Variants in KIF26A observed in about 807,000 individuals in gnomAD.
KIF26A encodes the protein kinesin-like protein KIF26A.
Under a neutral mutation model 126.0 loss-of-function variants are expected in KIF26A, and 74 were observed. The ratio of observed to expected loss-of-function variants is 0.59; its 90% confidence interval spans 0.49 to 0.71. The LOEUF is 0.71. KIF26A is among the 30% of genes least tolerant of loss of function. KIF26A has a pLI of 0.00. For missense variants in KIF26A, 2,984 were observed against 2,763.3 expected (o/e 1.08, Z -1.79); for synonymous variants, 1,445 against 1,232.7 (o/e 1.17, Z -3.61).
chr14:104,142,448 T>C (rs1890983), intron 2 of KIF26A, among the ~76,000 whole-genome samples: 5,279 of 152,104 alleles, frequency 0.035, 306 homozygotes, highest in African/African-American at 0.12. Flanking sequence ...TGGCCTCCTG[T>C]GGCCTCCAGG....
chr14:104,138,613 C>A lies in KIF26A; in HGVS notation c.-110C>A. The A allele has an allele frequency of 3.4e-6, 3 of 873,340 alleles. No individual in the cohort carries two copies. The highest frequency in any genetic ancestry group is 4.4e-6 in the Non-Finnish European group (3 of 676,360). 54.1% of individuals were successfully genotyped at this position (873,340 alleles called of 1,614,324 possible). A position where few individuals can be genotyped will look rare whatever the true frequency, so the allele number is the denominator to read the frequency against. ...CTCGCAGGCTCTGCGAACTTCCGAG[C>A]GGCTGGGCCGGGCCATGGGGGCGCC... On this transcript the variant is annotated 5_prime_UTR_variant, in exon 1 of 15. Coordinates refer to ENST00000423312, the MANE Select transcript of KIF26A (RefSeq NM_015656.2).
chr14:104,172,578 G>A lies in KIF26A; in HGVS notation c.1330G>A (p.Glu444Lys), dbSNP rs1264138881. The change falls in exon 7 of 15, where the codon GAA becomes AAA. Residue 444 changes from glutamate to lysine, a missense_variant. Transcript: ENST00000423312. ...AVFPQDSEQA[E>K]VCSGTVADVL... Reference sequence around the variant, plus strand: ...CCTGATTCTCTTGCCCCCCTAGGCCGAAGTCTGCTCGGGGACCGTGGCCGA... The same window carrying A: ...CCTGATTCTCTTGCCCCCCTAGGCCAAAGTCTGCTCGGGGACCGTGGCCGA... 6.2e-7 allele frequency: 1 copy of A among 1,612,114 alleles called. No individual in the cohort carries two copies. Among genetic ancestry groups the A allele is most frequent in the Non-Finnish European group, 8.5e-7 (1 of 1,179,166 alleles).
intron 5 of KIF26A, 62 bp from the exon 6 acceptor site, chr14:104,171,661 C>T: frequency 2.1e-6 from 3 of 1,422,700 alleles, no homozygotes; most frequent in East Asian, 5.0e-5. Context: ...CCCCTCCTGC[C>T]CTGTAATTAG....
chr14:104,151,986 ACC>A lies in KIF26A; in HGVS notation c.289-27_289-26del. On this transcript the variant is annotated intron_variant, in intron 2 of 14. Transcript: ENST00000423312. The surrounding 1 kb of genome is among the most constrained non-coding windows in gnomAD (Gnocchi z 4.9). Reference sequence around the variant, plus strand: ...GCCGGCCCTCCCTCCCCAGGCACTGACCCTGCCTTTGTCCCTTGCTGTCCTCA... The same window carrying A: ...GCCGGCCCTCCCTCCCCAGGCACTGACTGCCTTTGTCCCTTGCTGTCCTCA... The A allele has an allele frequency of 6.2e-7, 1 of 1,603,798 alleles. No individual in the cohort carries two copies. The highest frequency in any genetic ancestry group is 8.5e-7 in the Non-Finnish European group (1 of 1,172,000).
chr14:104,163,058 CAGCTGGCGGGAAGCTGAGGTGTA>C (rs1377982677), intron 4 of KIF26A, among the ~76,000 whole-genome samples: 4 of 152,334 alleles, frequency 2.6e-5, no homozygotes, highest in African/African-American at 9.6e-5. Flanking sequence ...CCCTTGCAGG[CAGCTGGCGGGAAGCTGAGGTGTA>C]ACCCAAGGTC....
rs778442550 is a variant in KIF26A, at chr14:104,177,368, C to T, written c.4580C>T (p.Pro1527Leu). The T allele has an allele frequency of 1.3e-6, 2 of 1,484,830 alleles. No homozygotes were observed. The highest frequency in any genetic ancestry group is 1.8e-6 in the Non-Finnish European group (2 of 1,121,302). 92.0% of individuals were successfully genotyped at this position (1,484,830 alleles called of 1,614,324 possible). ...ACGGCCTCTGTGACGGGCAGGAGCC[C>T]TGGCGGCCCTGTGGCCGGTCCCAGA... is the stretch of plus-strand genomic sequence containing the variant. The part of the protein sequence containing the change: ...LSTASVTGRS[P>L]GGPVAGPRAA... Residue 1527 changes from proline to leucine, a missense_variant, in exon 12 of 15, where the codon CCT becomes CTT. Physicochemically the swap from Pro to Leu is moderately conservative, Grantham distance 98. Transcript: ENST00000423312.
At chr14:104,156,886 A>G (rs1315021871) in intron 3 of KIF26A, among the ~76,000 whole-genome samples, 1 of 152,176 alleles carries the variant, frequency 6.6e-6, no homozygotes, top group Non-Finnish European at 1.5e-5. Flanking sequence ...TCGACTGGAC[A>G]CTTGGGGCCG....
Position 104,175,593 on chromosome 14 carries a change from C to T in KIF26A, c.2805C>T (p.Val935=), listed in dbSNP as rs1309672166. 1.9e-6 allele frequency: 3 copies of T among 1,609,880 alleles called. No homozygotes were observed. Among genetic ancestry groups the T allele is most frequent in the Admixed American group, 1.7e-5 (1 of 59,996 alleles). The change falls in exon 12 of 15, where the codon GTC becomes GTT. Residue 935 remains valine (V), a synonymous_variant. Coordinates refer to ENST00000423312, the MANE Select transcript of KIF26A (RefSeq NM_015656.2). ...GCAGCGCTTGGCCTGAGCTGCTGGT[C>T]CCGGAAAAGGCTGCAGTGAGTGGAG... The part of the protein sequence containing the change: ...EDSSAWPELL[V]PEKAAVSGGR...
intron 4 of KIF26A, among the ~76,000 whole-genome samples, chr14:104,158,157 C>T (rs1451291963): frequency 6.6e-6 from 1 of 152,236 alleles, no homozygotes; most frequent in South Asian, 2.1e-4. Context: ...ATCTCATCCT[C>T]GGGGGAGCAC....
chr14:104,144,992 G>A (rs979135884), intron 2 of KIF26A, among the ~76,000 whole-genome samples: 1 of 152,190 alleles, frequency 6.6e-6, no homozygotes, highest in Non-Finnish European at 1.5e-5. Context: ...CTGGCCTCTG[G>A]AAGTCCTGGC....
intron 14 of KIF26A, 67 bp from the exon 15 acceptor site, chr14:104,179,542 G>C (rs1297202255): frequency 6.9e-7 from 1 of 1,445,598 alleles, no homozygotes; most frequent in African/African-American, 1.4e-5. Flanking sequence ...GGCCTCTGGG[G>C]GGCCAGGTGG....
In KIF26A at chr14:104,177,116, G is replaced by T. The variant is rs554679807; in HGVS notation, c.4328G>T (p.Gly1443Val). Reference protein sequence around the residue: ...AGHASLERYEGLAHSSSKGRE... With the variant: ...AGHASLERYEVLAHSSSKGRE... The stretch of plus-strand genomic sequence containing the variant: ...CACGCGTCTCTGGAGCGGTACGAAG[G>T]CCTGGCGCACAGCAGCAGCAAGGGC... The change falls in exon 12 of 15, where the codon GGC becomes GTC. Residue 1443 changes from glycine (G) to valine (V), a missense_variant. By Grantham distance (109) the Gly-to-Val change is moderately radical (BLOSUM62 -3). Transcript: ENST00000423312. The T allele has an allele frequency of 6.3e-7, 1 of 1,597,612 alleles. No individual in the cohort carries two copies. The highest frequency in any genetic ancestry group is 8.5e-7 in the Non-Finnish European group (1 of 1,179,412).
rs2038028758 is a variant in KIF26A, at chr14:104,176,433, G to A, written c.3645G>A (p.Arg1215=). 1 of 1,597,412 alleles carries A rather than the reference G, an allele frequency of 6.3e-7. No homozygotes were observed. The highest frequency in any genetic ancestry group is 1.7e-5 in the Admixed American group (1 of 59,448). The change falls in exon 12 of 15, where the codon AGG becomes AGA. Residue 1215 remains arginine (R), a synonymous_variant. Transcript: ENST00000423312. ...TIHSSLPRKP[R]TASATTRVGC... ...ACTCCAGCCTCCCCCGGAAACCGAG[G>A]ACTGCCTCTGCCACCACCCGTGTGG...
intron 2 of KIF26A, among the ~76,000 whole-genome samples, chr14:104,145,913 G>A (rs918020596): frequency 2.0e-5 from 3 of 152,166 alleles, no homozygotes; most frequent in Non-Finnish European, 4.4e-5. Flanking sequence ...AGTGTCAGGC[G>A]ACCTGGCTCC....
chr14:104,163,239 C>T (rs2037849253), intron 4 of KIF26A, among the ~76,000 whole-genome samples: 4 of 152,176 alleles, frequency 2.6e-5, no homozygotes, highest in Admixed American at 2.6e-4. Context: ...TGCCTCTGGC[C>T]TCGCCCAGGC....
intron 5 of KIF26A, among the ~76,000 whole-genome samples, chr14:104,167,778 C>G (rs1179015607): frequency 3.9e-5 from 6 of 152,138 alleles, no homozygotes; most frequent in Non-Finnish European, 8.8e-5. Context: ...TGTGTGTGCC[C>G]CCGGTGGCTT....
chr14:104,139,046 G>C lies in KIF26A; in HGVS notation c.46G>C (p.Ala16Pro), dbSNP rs2037610899. 3.7e-6 allele frequency: 5 copies of C among 1,366,012 alleles called. No homozygotes were observed. The highest frequency in any genetic ancestry group is 4.7e-6 in the Non-Finnish European group (5 of 1,068,422). The allele number at this position is 1,366,012 out of a possible 1,614,324, so 84.6% of individuals were successfully genotyped here. A position where few individuals can be genotyped will look rare whatever the true frequency, so the allele number is the denominator to read the frequency against. ...VPLCAAQPAV[A>P]EGGPAREPPP... ...CTTCCGCCCCCACACCCTGCAGGTGGCCGAGGGCGGCCCGGCCCGCGAGCC... is the reference window on the plus strand; with the variant it reads ...CTTCCGCCCCCACACCCTGCAGGTGCCCGAGGGCGGCCCGGCCCGCGAGCC... Residue 16 changes from alanine to proline, a missense_variant, in exon 2 of 15, where the codon GCC becomes CCC. Coordinates refer to ENST00000423312, the MANE Select transcript of KIF26A (RefSeq NM_015656.2).
intron 2 of KIF26A, among the ~76,000 whole-genome samples, chr14:104,146,790 AG>A (rs1383647623): frequency 6.6e-6 from 1 of 152,114 alleles, no homozygotes; most frequent in African/African-American, 2.4e-5. Context: ...GCATGTGAAA[AG>A]CCCCGAGATG....
In KIF26A at chr14:104,175,958, T is replaced by TCGAC; in HGVS notation, c.3171_3174dup (p.Ser1059ArgfsTer3). 1 of 1,569,360 alleles carries TCGAC rather than the reference T, an allele frequency of 6.4e-7. No individual in the cohort carries two copies. Among genetic ancestry groups the TCGAC allele is most frequent in the Non-Finnish European group, 8.6e-7 (1 of 1,164,016 alleles). The stretch of plus-strand genomic sequence containing the variant: ...GGGCGGCCCACCAGCCTGGCTAGCT[T>TCGAC]CGACAGTGACTGCTCCCTGCGGGCC... On this transcript the variant is annotated frameshift_variant, in exon 12 of 15. Coordinates refer to ENST00000423312, the MANE Select transcript of KIF26A (RefSeq NM_015656.2). LOFTEE classifies it high-confidence loss of function.
Sources: gnomAD v4.1 joint callset for allele counts (sites outside exome capture counted in the v4.1 genomes callset) on GRCh38, gnomAD v4.1.1 for gene constraint, Gnocchi (gnomAD v3.1) non-coding constraint, MANE v1.5 for transcripts, NCBI Gene and HGNC (gene_info 2026-07-23, HGNC 2026-07-21) for gene names.